Variants in FOXN3 observed in about 807,000 individuals in gnomAD.
FOXN3 encodes forkhead box N3.
In FOXN3, 7 loss-of-function variants were observed where a neutral mutation model predicts 38.4. That is an observed-to-expected ratio of 0.18 (90% CI 0.10 to 0.34). FOXN3 has a LOEUF of 0.34. Ranked by LOEUF, FOXN3 falls within the 10% of genes least tolerant of loss-of-function variation. The probability of loss-of-function intolerance (pLI) is 1.00; values close to 1 mark genes in which losing one functional copy is unlikely to be tolerated. For synonymous variants in FOXN3, 230 were observed against 242.2 expected (o/e 0.95, Z 0.47); for missense variants, 456 against 613.4 (o/e 0.74, Z 2.71).
chr14:89,518,875 C>T (rs909871863), intron 1 of FOXN3, among the ~76,000 whole-genome samples: 7 of 152,068 alleles, frequency 4.6e-5, no homozygotes, highest in Non-Finnish European at 5.9e-5. Flanking sequence ...ATTAGCCCAG[C>T]ATGGTGGTGG....
intron 4 of FOXN3, among the ~76,000 whole-genome samples, chr14:89,256,556 G>A (rs927050840): frequency 6.6e-6 from 1 of 152,132 alleles, no homozygotes; most frequent in African/African-American, 2.4e-5. Context: ...TTGCTGTCCC[G>A]GCCGTAAGAA....
At chr14:89,534,867 G>A (rs1331235003) in intron 1 of FOXN3, among the ~76,000 whole-genome samples, 4 of 152,206 alleles carry the variant, frequency 2.6e-5, no homozygotes, top group Admixed American at 1.3e-4. Flanking sequence ...CACTCATCCT[G>A]TTTATGCCAT....
intron 4 of FOXN3, among the ~76,000 whole-genome samples, chr14:89,181,016 G>GCGCA (rs1555408887): frequency 6.7e-6 from 1 of 149,142 alleles, no homozygotes; most frequent in Non-Finnish European, 1.5e-5. Flanking sequence ...TCATGCACGC[G>GCGCA]CACACACACA....
At chr14:89,199,707 A>C (rs1888186681) in intron 4 of FOXN3, among the ~76,000 whole-genome samples, 1 of 152,198 alleles carries the variant, frequency 6.6e-6, no homozygotes, top group Non-Finnish European at 1.5e-5. Flanking sequence ...GTTCAAGACC[A>C]GCCTGGCCAA....
intron 4 of FOXN3, chr14:89,185,767 T>C (rs985501451): frequency 6.6e-6 from 1 of 152,270 alleles, no homozygotes; most frequent in African/African-American, 2.4e-5. Flanking sequence ...ACACTTGCCA[T>C]CAGCCACGTT....
At chr14:89,619,129 G>C (rs899869952) in exon 1 of FOXN3, 1 of 151,190 alleles carries the variant, frequency 6.6e-6, no homozygotes, top group Non-Finnish European at 1.5e-5. Flanking sequence ...GCCGTCTCCC[G>C]GCCGAGCTGC....
At chr14:89,567,816 G>A (rs1019771265) in intron 1 of FOXN3, among the ~76,000 whole-genome samples, 10 of 150,574 alleles carry the variant, frequency 6.6e-5, no homozygotes, top group Admixed American at 2.6e-4. Flanking sequence ...TCTGCCTCCC[G>A]GGTTCACGCC....
At chr14:89,524,117 G>A (rs1298617) in intron 1 of FOXN3, among the ~76,000 whole-genome samples, 56,692 of 145,156 alleles carry the variant, frequency 0.39, 11,446 homozygotes, top group East Asian at 0.61. Context: ...GCTCACGCCT[G>A]TAATCCCAGC....
At chr14:89,434,198 C>A (rs1055739317) in intron 1 of FOXN3, among the ~76,000 whole-genome samples, 3 of 149,578 alleles carry the variant, frequency 2.0e-5, no homozygotes, top group African/African-American at 7.4e-5. Context: ...GCTGGGATTA[C>A]AGACGTGAGT....
intron 1 of FOXN3, among the ~76,000 whole-genome samples, chr14:89,593,363 G>A (rs1232017025): frequency 1.3e-5 from 2 of 152,122 alleles, no homozygotes; most frequent in Non-Finnish European, 2.9e-5. Context: ...AACTAAAAGG[G>A]CGTGGTGGCT....
chr14:89,574,172 C>T (rs189869303), intron 1 of FOXN3, among the ~76,000 whole-genome samples: 2 of 152,324 alleles, frequency 1.3e-5, no homozygotes, highest in East Asian at 3.9e-4. Context: ...CTCCCTTCAG[C>T]CCCTACTCAA....
At chr14:89,472,535 A>G (rs571113872) in intron 1 of FOXN3, among the ~76,000 whole-genome samples, 3 of 152,072 alleles carry the variant, frequency 2.0e-5, no homozygotes, top group Admixed American at 1.3e-4. Flanking sequence ...CTTGGCTAAC[A>G]TGGTGAAACC....
intron 4 of FOXN3, among the ~76,000 whole-genome samples, chr14:89,211,022 T>G (rs1884077084): frequency 6.6e-6 from 1 of 152,204 alleles, no homozygotes; most frequent in Non-Finnish European, 1.5e-5. Flanking sequence ...AGAGAATAGC[T>G]AACAAAGCCA....
intron 1 of FOXN3, among the ~76,000 whole-genome samples, chr14:89,573,675 C>G (rs1028317693): frequency 1.8e-4 from 27 of 152,042 alleles, no homozygotes; most frequent in African/African-American, 6.0e-4. Context: ...CCCCTTCATC[C>G]CCAGGCCAAG....
chr14:89,463,149 C>T (rs1306746043), intron 1 of FOXN3, among the ~76,000 whole-genome samples: 4 of 151,138 alleles, frequency 2.6e-5, no homozygotes, highest in African/African-American at 9.7e-5. Flanking sequence ...ATTAGCCGGG[C>T]GTGGTGGCAG....
At chr14:89,335,541 T>G (rs896003523) in intron 3 of FOXN3, among the ~76,000 whole-genome samples, 1 of 152,266 alleles carries the variant, frequency 6.6e-6, no homozygotes, top group Non-Finnish European at 1.5e-5. Context: ...AGCTTAATTT[T>G]TATACACTTG....
At chr14:89,215,275 AAC>A (rs1479344855) in intron 4 of FOXN3, among the ~76,000 whole-genome samples, 2 of 152,052 alleles carry the variant, frequency 1.3e-5, no homozygotes, top group Non-Finnish European at 2.9e-5. Flanking sequence ...GTCTCAATAA[AAC>A]AATCACAATC....
intron 1 of FOXN3, among the ~76,000 whole-genome samples, chr14:89,497,866 A>G (rs528795019): frequency 2.0e-5 from 3 of 152,034 alleles, no homozygotes; most frequent in Non-Finnish European, 4.4e-5. Context: ...GCGGTGTCCA[A>G]GGGTTCCATT....
At chr14:89,512,941 C>A (rs1198700121) in intron 1 of FOXN3, among the ~76,000 whole-genome samples, 1 of 151,970 alleles carries the variant, frequency 6.6e-6, no homozygotes, top group Non-Finnish European at 1.5e-5. Context: ...GAGTTCAAGA[C>A]CAGCCTGGCC....
Sources: allele counts gnomAD v4.1 joint callset (sites outside exome capture counted in the v4.1 genomes callset), GRCh38; gene constraint gnomAD v4.1.1; transcripts MANE v1.5; gene names NCBI Gene and HGNC (gene_info 2026-07-23, HGNC 2026-07-21).